SYT1: variants seen among roughly 807,000 people sequenced by gnomAD.
SYT1 encodes the protein synaptotagmin-1.
Under a neutral mutation model 44.8 loss-of-function variants are expected in SYT1, and 8 were observed. That is an observed-to-expected ratio of 0.18 (90% CI 0.10 to 0.32). The LOEUF is 0.32. SYT1 is among the 10% of genes least tolerant of loss of function. The probability of loss-of-function intolerance (pLI) is 1.00; values close to 1 mark genes in which losing one functional copy is unlikely to be tolerated. For missense variants in SYT1, 286 were observed against 509.3 expected, an observed-to-expected ratio of 0.56 and a Z score of 4.22; for synonymous variants, 154 against 188.8, an observed-to-expected ratio of 0.82 and a Z score of 1.51.
intron 3 of SYT1, among the ~76,000 whole-genome samples, chr12:79,056,141 C>G (rs1165727830): frequency 6.6e-6 from 1 of 151,948 alleles, no homozygotes; most frequent in East Asian, 1.9e-4. Flanking sequence ...TGTTCAGCAA[C>G]AACAAAATTG....
chr12:79,299,318 T>C, intron 7 of SYT1, 66 bp from the exon 8 acceptor site: 1 of 1,527,976 alleles, frequency 6.5e-7, no homozygotes, highest in South Asian at 1.2e-5. Flanking sequence ...TTAAGCACCA[T>C]GAACAAGTAA....
At chr12:79,223,774 C>T (rs1425508225) in intron 4 of SYT1, among the ~76,000 whole-genome samples, 4 of 152,132 alleles carry the variant, frequency 2.6e-5, no homozygotes, top group Non-Finnish European at 5.9e-5. Flanking sequence ...GGCACCAGGG[C>T]AAGTTTAGAG....
intron 8 of SYT1, among the ~76,000 whole-genome samples, chr12:79,350,021 A>T (rs1882818315): frequency 6.6e-6 from 1 of 152,150 alleles, no homozygotes; most frequent in Admixed American, 6.5e-5. Context: ...GAAAGACTTC[A>T]CTGAGGAAAT....
chr12:79,059,422 A>T (rs888279315), intron 3 of SYT1, among the ~76,000 whole-genome samples: 5 of 152,236 alleles, frequency 3.3e-5, no homozygotes, highest in South Asian at 2.1e-4. Flanking sequence ...ATTCTTTTCA[A>T]TACCTCAAAT....
chr12:79,089,058 A>G (rs544475712), intron 3 of SYT1, among the ~76,000 whole-genome samples: 103 of 152,156 alleles, frequency 6.8e-4, no homozygotes, highest in South Asian at 1.5e-3. Flanking sequence ...CAAGGAATTA[A>G]CCTGGGTTAG....
chr12:79,086,399 G>T (rs779054038), intron 3 of SYT1, among the ~76,000 whole-genome samples: 6 of 152,064 alleles, frequency 3.9e-5, no homozygotes, highest in Non-Finnish European at 8.8e-5. Context: ...AAGATACTGA[G>T]GAATGAAGTA....
At chr12:79,082,261 T>A (rs1371122827) in intron 3 of SYT1, among the ~76,000 whole-genome samples, 1 of 152,196 alleles carries the variant, frequency 6.6e-6, no homozygotes, top group African/African-American at 2.4e-5. Flanking sequence ...TTGTCTTCTT[T>A]TCTGTATGTT....
chr12:78,938,148 T>A (rs888878150), intron 1 of SYT1, among the ~76,000 whole-genome samples: 1 of 152,160 alleles, frequency 6.6e-6, no homozygotes, highest in African/African-American at 2.4e-5. Context: ...ACCATTCCCA[T>A]AGCACCTGAA....
chr12:79,141,085 G>A (rs1869528372), intron 3 of SYT1, among the ~76,000 whole-genome samples: 1 of 152,172 alleles, frequency 6.6e-6, no homozygotes, highest in Non-Finnish European at 1.5e-5. Flanking sequence ...GTGGAAACAA[G>A]CATGTATGCC....
intron 3 of SYT1, among the ~76,000 whole-genome samples, chr12:79,060,671 C>T (rs1309731656): frequency 6.6e-6 from 1 of 151,958 alleles, no homozygotes; most frequent in Non-Finnish European, 1.5e-5. Flanking sequence ...GAATAATATT[C>T]CATTGTATGT....
At chr12:79,431,494 GTTTAT>G (rs1267716137) in intron 9 of SYT1, among the ~76,000 whole-genome samples, 4 of 148,612 alleles carry the variant, frequency 2.7e-5, no homozygotes, top group East Asian at 2.0e-4. Flanking sequence ...TAAAGCCATA[GTTTAT>G]TTTATTTTAT....
At chr12:79,317,325 A>G (rs1881139468) in intron 8 of SYT1, among the ~76,000 whole-genome samples, 1 of 152,326 alleles carries the variant, frequency 6.6e-6, no homozygotes, top group African/African-American at 2.4e-5. Context: ...TATGCAAAAC[A>G]ACTTCCGGCA....
At chr12:79,207,321 G>A (rs1874182163) in intron 3 of SYT1, among the ~76,000 whole-genome samples, 2 of 152,188 alleles carry the variant, frequency 1.3e-5, no homozygotes, top group East Asian at 3.9e-4. Flanking sequence ...TAGGATCAAG[G>A]GTTAGATCCA....
At chr12:78,981,530 T>C (rs978605110) in intron 2 of SYT1, among the ~76,000 whole-genome samples, 2 of 152,178 alleles carry the variant, frequency 1.3e-5, no homozygotes, top group Non-Finnish European at 2.9e-5. Context: ...GCATGCATGC[T>C]AACTCAGTGA....
chr12:79,348,460 G>C (rs1018666044), intron 8 of SYT1, among the ~76,000 whole-genome samples: 1 of 152,106 alleles, frequency 6.6e-6, no homozygotes, highest in Non-Finnish European at 1.5e-5. Flanking sequence ...TATGAATGAA[G>C]GCATGTGGTC....
intron 3 of SYT1, among the ~76,000 whole-genome samples, chr12:79,124,498 C>T (rs972993524): frequency 1.1e-4 from 16 of 152,038 alleles, no homozygotes; most frequent in African/African-American, 3.1e-4. Context: ...TGGAAAAAAG[C>T]GTGCCCAATA....
At chr12:79,431,558 A>T (rs985846176) in intron 9 of SYT1, among the ~76,000 whole-genome samples, 11 of 94,464 alleles carry the variant, frequency 1.2e-4, no homozygotes, top group Non-Finnish European at 2.1e-5. Context: ...ATTTATTGAG[A>T]TGGAGTTTCA....
chr12:79,251,025 G>A (rs111669306), intron 4 of SYT1, among the ~76,000 whole-genome samples: 2,308 of 152,148 alleles, frequency 0.015, 42 homozygotes, highest in African/African-American at 0.046. Context: ...ACTCAATGTG[G>A]AAATACATCA....
At chr12:79,369,121 G>C (rs1883681080) in intron 9 of SYT1, among the ~76,000 whole-genome samples, 2 of 152,170 alleles carry the variant, frequency 1.3e-5, no homozygotes, top group African/African-American at 4.8e-5. Flanking sequence ...TGAACCAATT[G>C]CTTAGGAAAC....
Sources: allele counts gnomAD v4.1 joint callset (sites outside exome capture counted in the v4.1 genomes callset), GRCh38; gene constraint gnomAD v4.1.1; transcripts MANE v1.5; gene names NCBI Gene and HGNC (gene_info 2026-07-23, HGNC 2026-07-21).